The following SMARCA4 variants were observed in gnomAD, a reference collection of about 807,000 sequenced individuals.
The protein encoded by SMARCA4 is SWI/SNF-related matrix-associated actin-dependent regulator of chromatin subfamily A member 4.
SMARCA4 carries 31 observed loss-of-function variants against 193.9 expected under a neutral mutation model. The observed-to-expected ratio is 0.16, with a 90% confidence interval of 0.12 to 0.22. The LOEUF is 0.22. SMARCA4 is among the 10% of genes least tolerant of loss of function. The probability of loss-of-function intolerance (pLI) is 1.00; values close to 1 mark genes in which losing one functional copy is unlikely to be tolerated. For synonymous variants in SMARCA4, 942 were observed against 933.1 expected (o/e 1.01, Z -0.17); for missense variants, 1,148 against 2,296.0 (o/e 0.50, Z 10.22).
At chr19:11,051,022 G>A (rs1229068687) in intron 30 of SMARCA4, among the ~76,000 whole-genome samples, 1 of 152,258 alleles carries the variant, frequency 6.6e-6, no homozygotes, top group Non-Finnish European at 1.5e-5. Flanking sequence ...AGGGCACTGG[G>A]TCCAACATAA....
At chr19:11,009,463 A>G (rs958219685) in intron 14 of SMARCA4, among the ~76,000 whole-genome samples, 6 of 152,154 alleles carry the variant, frequency 3.9e-5, no homozygotes, top group African/African-American at 7.2e-5. Context: ...GGTGGGTTCT[A>G]TGATGATCAG....
Position 11,041,839 on chromosome 19 carries a change from G to A in SMARCA4, c.4424+279G>A, listed in dbSNP as rs1378587964. On this transcript the variant is annotated intron_variant, in intron 30 of 34. Coordinates refer to ENST00000344626, the MANE Select transcript of SMARCA4 (RefSeq NM_003072.5). The surrounding 1 kb of genome is among the most constrained non-coding windows in gnomAD (Gnocchi z 5.6). ...TCGGAGAAGGGGACATTGCAGCAGA[G>A]CCTTGAGAGAGGGGAGGTTGGGGAG... Among the ~76,000 whole-genome samples, 1 of 152,218 alleles carries A rather than the reference G, an allele frequency of 6.6e-6. No homozygotes were observed. The highest frequency in any genetic ancestry group is 2.4e-5 in the African/African-American group (1 of 41,450).
At chr19:11,043,674 C>T (rs76408878) in intron 30 of SMARCA4, among the ~76,000 whole-genome samples, 4,155 of 152,012 alleles carry the variant, frequency 0.027, 87 homozygotes, top group Non-Finnish European at 0.04. Flanking sequence ...GAAATAAATA[C>T]AGAATACTTA....
chr19:11,023,680 G>A (rs754703561), intron 20 of SMARCA4, 49 bp downstream of exon 20: 1 of 1,165,270 alleles, frequency 8.6e-7, no homozygotes, highest in Non-Finnish European at 1.3e-6. Flanking sequence ...TCACGTGGGG[G>A]CTTTCTCCAG....
intron 23 of SMARCA4, among the ~76,000 whole-genome samples, chr19:11,027,397 G>A (rs1269894149): frequency 6.6e-6 from 1 of 152,152 alleles, no homozygotes; most frequent in Non-Finnish European, 1.5e-5. Context: ...GAGCATGGGT[G>A]TCTCCAGTGT....
chr19:10,999,392 C>T (rs1031484362), intron 11 of SMARCA4, among the ~76,000 whole-genome samples: 2 of 152,160 alleles, frequency 1.3e-5, no homozygotes, highest in Admixed American at 1.3e-4. Context: ...CATGGTGGCT[C>T]ATGCCTGTAT....
At chr19:10,997,625 C>T (rs967547602) in intron 11 of SMARCA4, among the ~76,000 whole-genome samples, 1 of 151,952 alleles carries the variant, frequency 6.6e-6, no homozygotes, top group African/African-American at 2.4e-5. Flanking sequence ...CACGCCTGGC[C>T]TAATTTTTTA....
Position 10,992,534 on chromosome 19 carries a change from C to T in SMARCA4, c.1419+1211C>T, listed in dbSNP as rs112409053. Among the ~76,000 whole-genome samples the T allele has an allele frequency of 3.7e-3, 553 of 151,394 alleles. 7 individuals are homozygous for T. Among genetic ancestry groups the T allele is most frequent in the African/African-American group, 0.012 (515 of 41,248 alleles). Reference sequence around the variant, plus strand: ...CTGCCTCCTGGGTTCAAGGGATTCTCCTGCCTCAGCCTCCCAAGTAGTTGG... The same window carrying T: ...CTGCCTCCTGGGTTCAAGGGATTCTTCTGCCTCAGCCTCCCAAGTAGTTGG... On this transcript the variant is annotated intron_variant, in intron 8 of 34. Coordinates refer to ENST00000344626, the MANE Select transcript of SMARCA4 (RefSeq NM_003072.5).
At chr19:11,050,151 T>A (rs1038734785) in intron 30 of SMARCA4, among the ~76,000 whole-genome samples, 1 of 152,224 alleles carries the variant, frequency 6.6e-6, no homozygotes, top group South Asian at 2.1e-4. Context: ...ATGCTTGTGC[T>A]GAGGTCAGGA....
At position 10,987,292 on chromosome 19, in the gene SMARCA4, A is replaced by G. The variant is rs2086140168; in HGVS notation, c.859+289A>G. Among the ~76,000 whole-genome samples the G allele has an allele frequency of 1.3e-5, 2 of 152,198 alleles. No homozygotes were observed. The highest frequency in any genetic ancestry group is 1.3e-4 in the Admixed American group (2 of 15,286). ...TCCCATCTGTTGGGCTCAAAGAGGC[A>G]GTGGGACTCATTACCCATCCTCTTG... On this transcript the variant is annotated intron_variant, in intron 5 of 34. Coordinates refer to ENST00000344626, the MANE Select transcript of SMARCA4 (RefSeq NM_003072.5). This position sits in a 1 kb window ranked among gnomAD's most constrained non-coding sequence, Gnocchi z 5.3.
Position 10,987,572 on chromosome 19 carries a change from C to G in SMARCA4, c.860-94C>G. On this transcript the variant is annotated intron_variant, in intron 5 of 34. Coordinates refer to ENST00000344626, the MANE Select transcript of SMARCA4 (RefSeq NM_003072.5). This position sits in a 1 kb window ranked among gnomAD's most constrained non-coding sequence, Gnocchi z 5.3. ...GGGAGATGGGCGGGGTCTGCCTGTC[C>G]CCAGTGCCTCAAGCAGCTCAGCAGC... 5 of 1,457,608 alleles carry G rather than the reference C, an allele frequency of 3.4e-6. No homozygotes were observed. The highest frequency in any genetic ancestry group is 4.8e-6 in the Non-Finnish European group (5 of 1,041,904). The allele number at this position is 1,457,608 out of a possible 1,614,324, so 90.3% of individuals were successfully genotyped here. A position where few individuals can be genotyped will look rare whatever the true frequency, so the allele number is the denominator to read the frequency against.
Position 10,986,805 on chromosome 19 carries a change from G to C in SMARCA4, c.761-100G>C, listed in dbSNP as rs1477601681. ...CCCCTGGGGCCGCTGGTTAATAGGT[G>C]TATCTGCTGTGTCCCCTGGAGCCAG... On this transcript the variant is annotated intron_variant, in intron 4 of 34. Coordinates refer to ENST00000344626, the MANE Select transcript of SMARCA4 (RefSeq NM_003072.5). This position sits in a 1 kb window ranked among gnomAD's most constrained non-coding sequence, Gnocchi z 6.7. The C allele has an allele frequency of 8.0e-7, 1 of 1,247,964 alleles. No homozygotes were observed. Among genetic ancestry groups the C allele is most frequent in the African/African-American group, 1.5e-5 (1 of 67,854 alleles). 77.3% of individuals were successfully genotyped at this position (1,247,964 alleles called of 1,614,324 possible).
chr19:11,057,952 A>G (rs1452673785), intron 30 of SMARCA4, among the ~76,000 whole-genome samples: 2 of 151,756 alleles, frequency 1.3e-5, no homozygotes, highest in African/African-American at 2.4e-5. Flanking sequence ...AAAATACAAA[A>G]TTAGCCTGGC....
rs1555774716 is a variant in SMARCA4, at chr19:11,013,023, G to A, written c.2349G>A (p.Leu783=). 1 of 1,614,144 alleles carries A rather than the reference G, an allele frequency of 6.2e-7. No homozygotes were observed. The highest frequency in any genetic ancestry group is 1.1e-5 in the South Asian group (1 of 91,074). Residue 783 remains leucine (L), a synonymous_variant, in exon 16 of 35, where the codon CTG becomes CTA. Transcript: ENST00000344626. The part of the protein sequence containing the change: ...LNGILADEMG[L]GKTIQTIALI... ...GCATCCTGGCCGACGAGATGGGCCTGGGGAAGACCATCCAGACCATCGCGC... is the reference window on the plus strand; with the variant it reads ...GCATCCTGGCCGACGAGATGGGCCTAGGGAAGACCATCCAGACCATCGCGC...
rs747286271 is a variant in SMARCA4, at chr19:11,034,144, G to A, written c.3895G>A (p.Asp1299Asn). 5 of 1,613,770 alleles carry A rather than the reference G, an allele frequency of 3.1e-6. No homozygotes were observed. Among genetic ancestry groups the A allele is most frequent in the Non-Finnish European group, 4.2e-6 (5 of 1,179,960 alleles). Residue 1299 changes from aspartate to asparagine, a missense_variant, in exon 28 of 35, where the codon GAC becomes AAC. By Grantham distance (23) the Asp-to-Asn change is conservative (BLOSUM62 1). Transcript: ENST00000344626. The surrounding 1 kb of genome is among the most constrained non-coding windows in gnomAD (Gnocchi z 7.0). ...PLKEEDEVPD[D>N]ETVNQMIARH... ...ATAGGAGGAAGACGAGGTGCCCGAC[G>A]ACGAGACCGTCAACCAGATGATCGC...
intron 19 of SMARCA4, among the ~76,000 whole-genome samples, 190 bp downstream of exon 19, chr19:11,022,157 G>T (rs564835362): frequency 6.6e-6 from 1 of 152,226 alleles, no homozygotes; most frequent in Non-Finnish European, 1.5e-5. Flanking sequence ...AGGGGAGCAG[G>T]GCAGAGGTCA....
chr19:11,011,408 A>C (rs2088835327), intron 15 of SMARCA4, among the ~76,000 whole-genome samples: 1 of 152,102 alleles, frequency 6.6e-6, no homozygotes, highest in South Asian at 2.1e-4. Context: ...TATTTTTAGT[A>C]GAGACAGAGT....
intron 30 of SMARCA4, among the ~76,000 whole-genome samples, chr19:11,055,259 G>A (rs560564614): frequency 2.3e-4 from 35 of 152,132 alleles, no homozygotes; most frequent in African/African-American, 7.7e-4. Flanking sequence ...GTGCGATCTC[G>A]GCTCACTGCA....
In SMARCA4 at chr19:11,041,347, T is replaced by C. The variant is rs1240862092; in HGVS notation, c.4211T>C (p.Val1404Ala). 3.7e-6 allele frequency: 6 copies of C among 1,610,778 alleles called. No homozygotes were observed. Among genetic ancestry groups the C allele is most frequent in the Admixed American group, 1.7e-5 (1 of 59,846 alleles). Reference sequence around the variant, plus strand: ...ACGCTGGAGGAGATCGAAGAGGAGGTCCGGCAGAAGAAATCATCACGGAAG... The same window carrying C: ...ACGCTGGAGGAGATCGAAGAGGAGGCCCGGCAGAAGAAATCATCACGGAAG... Reference protein sequence around the residue: ...EGTLEEIEEEVRQKKSSRKRK... With the variant: ...EGTLEEIEEEARQKKSSRKRK... Residue 1404 changes from valine (V) to alanine (A), a missense_variant, in exon 30 of 35, where the codon GTC (valine) becomes GCC (alanine). Coordinates refer to ENST00000344626, the MANE Select transcript of SMARCA4 (RefSeq NM_003072.5). This position sits in a 1 kb window ranked among gnomAD's most constrained non-coding sequence, Gnocchi z 5.6.
Sources: allele counts gnomAD v4.1 joint callset (sites outside exome capture counted in the v4.1 genomes callset), GRCh38; gene constraint gnomAD v4.1.1; non-coding constraint Gnocchi (gnomAD v3.1); transcripts MANE v1.5; gene names NCBI Gene and HGNC (gene_info 2026-07-23, HGNC 2026-07-21).